The following RHOBTB1 variants were observed in gnomAD, a reference collection of about 807,000 sequenced individuals.
The protein encoded by RHOBTB1 is rho-related BTB domain-containing protein 1.
In RHOBTB1, 40 loss-of-function variants were observed where a neutral mutation model predicts 71.6. The observed-to-expected ratio is 0.56, with a 90% confidence interval of 0.43 to 0.73. RHOBTB1 has a LOEUF of 0.73. RHOBTB1 is among the 30% of genes least tolerant of loss of function. The probability of loss-of-function intolerance (pLI) is 0.00; values close to 1 mark genes in which losing one functional copy is unlikely to be tolerated. For synonymous variants in RHOBTB1, 319 were observed against 334.9 expected (o/e 0.95, Z 0.52); for missense variants, 797 against 894.0 (o/e 0.89, Z 1.38).
intron 2 of RHOBTB1, among the ~76,000 whole-genome samples, chr10:60,919,461 A>C (rs1286997860): frequency 6.6e-6 from 1 of 152,236 alleles, no homozygotes; most frequent in African/African-American, 2.4e-5. Flanking sequence ...CATACATAAA[A>C]TAAACATCTC....
intron 7 of RHOBTB1, among the ~76,000 whole-genome samples, chr10:60,885,093 T>C (rs1041469884): frequency 1.3e-5 from 2 of 152,124 alleles, no homozygotes; most frequent in South Asian, 2.1e-4. Flanking sequence ...TGTAACTTTT[T>C]TGTGGTGTTC....
At chr10:60,872,148 G>A (rs750577808) in intron 10 of RHOBTB1, 37 bp downstream of exon 10, 1 of 1,430,094 alleles carries the variant, frequency 7.0e-7, no homozygotes, top group Middle Eastern at 1.8e-4. Context: ...TGAGAGGTGA[G>A]GAGAGCTGGA....
At chr10:60,884,526 G>A (rs138192255) in intron 7 of RHOBTB1, among the ~76,000 whole-genome samples, 71 of 152,186 alleles carry the variant, frequency 4.7e-4, no homozygotes, top group African/African-American at 1.7e-3. Flanking sequence ...AGACAAAGAG[G>A]CTGTACTCCC....
intron 4 of RHOBTB1, among the ~76,000 whole-genome samples, chr10:60,905,827 C>T (rs2082651065): frequency 6.6e-6 from 1 of 152,238 alleles, no homozygotes; most frequent in South Asian, 2.1e-4. Flanking sequence ...TATCTAGACA[C>T]ACTCACTGAT....
intron 2 of RHOBTB1, among the ~76,000 whole-genome samples, chr10:60,962,071 A>G (rs775594707): frequency 5.3e-5 from 8 of 152,040 alleles, no homozygotes; most frequent in East Asian, 1.9e-4. Context: ...GCCTCTTAAA[A>G]TGCTAGGATT....
rs753750346 is a variant in RHOBTB1, at chr10:60,910,996, G to GGA, written c.193-8_193-7dup. ...TCCCGAGAACGCTCCAAGACCTGCA[G>GGA]GAGAGAGAGAGAGCATCTGTGCTCG... On this transcript the variant is annotated splice_polypyrimidine_tract_variant and splice_region_variant and intron_variant, in intron 3 of 10. Coordinates refer to ENST00000337910, the MANE Select transcript of RHOBTB1 (RefSeq NM_014836.5). The GGA allele has an allele frequency of 1.6e-5, 25 of 1,609,688 alleles. No individual in the cohort carries two copies. The highest frequency in any genetic ancestry group is 6.7e-5 in the African/African-American group (5 of 74,792).
At chr10:60,862,461 G>T in the RHOBTB1 span, among the ~76,000 whole-genome samples, 9 of 151,518 alleles carry the variant, frequency 5.9e-5, no homozygotes, top group Admixed American at 5.9e-4. Flanking sequence ...GCCTCCCAAA[G>T]TGCTGGGATA....
At chr10:60,920,944 GT>G (rs1464738682) in intron 2 of RHOBTB1, among the ~76,000 whole-genome samples, 12 of 122,100 alleles carry the variant, frequency 9.8e-5, no homozygotes, top group African/African-American at 1.8e-4. Flanking sequence ...GGACTGATTT[GT>G]TTTTTTTTTG....
chr10:60,999,585 G>GC (rs1217662700), intron 1 of RHOBTB1, among the ~76,000 whole-genome samples: 7 of 152,198 alleles, frequency 4.6e-5, no homozygotes, highest in Non-Finnish European at 8.8e-5. Context: ...TCAAAACCAA[G>GC]CCCATGATAT....
chr10:60,967,597 G>A (rs1177408289), intron 2 of RHOBTB1, among the ~76,000 whole-genome samples: 1 of 152,054 alleles, frequency 6.6e-6, no homozygotes, highest in Non-Finnish European at 1.5e-5. Context: ...ATGTCAAGGA[G>A]AGAATGATGT....
At chr10:60,914,254 G>C (rs1251889989) in intron 2 of RHOBTB1, among the ~76,000 whole-genome samples, 1 of 152,004 alleles carries the variant, frequency 6.6e-6, no homozygotes, top group Non-Finnish European at 1.5e-5. Context: ...TGGAAAGATG[G>C]GTTAAAAATG....
At chr10:60,971,162 C>T (rs1180124085) in intron 2 of RHOBTB1, among the ~76,000 whole-genome samples, 1 of 151,962 alleles carries the variant, frequency 6.6e-6, no homozygotes, top group South Asian at 2.1e-4. Flanking sequence ...TATTTTTTCA[C>T]TTTGTATTTG....
At chr10:60,946,826 T>G (rs2085254561), upstream of RHOBTB1, among the ~76,000 whole-genome samples, 1 of 152,166 alleles carries the variant, frequency 6.6e-6, no homozygotes, top group South Asian at 2.1e-4. Context: ...CAAAAGATGC[T>G]CCTTCTAAAG....
At chr10:60,904,148 T>C (rs1023440743) in intron 4 of RHOBTB1, among the ~76,000 whole-genome samples, 2 of 152,106 alleles carry the variant, frequency 1.3e-5, no homozygotes, top group Non-Finnish European at 2.9e-5. Flanking sequence ...GGCTACACCA[T>C]GTTGGCCAGG....
At chr10:60,995,238 AC>A (rs1312761227) in intron 1 of RHOBTB1, among the ~76,000 whole-genome samples, 1 of 152,174 alleles carries the variant, frequency 6.6e-6, no homozygotes, top group Non-Finnish European at 1.5e-5. Context: ...CTTACTGTGT[AC>A]CAGGCACCTT....
intron 1 of RHOBTB1, among the ~76,000 whole-genome samples, chr10:60,989,470 T>C (rs1250623164): frequency 6.6e-6 from 1 of 152,234 alleles, no homozygotes; most frequent in African/African-American, 2.4e-5. Flanking sequence ...ACTTGTTGAA[T>C]GAATAAATGT....
At chr10:60,993,022 T>C (rs113368160) in intron 1 of RHOBTB1, among the ~76,000 whole-genome samples, 2 of 152,280 alleles carry the variant, frequency 1.3e-5, no homozygotes, top group African/African-American at 4.8e-5. Context: ...ATGTCTTAGG[T>C]GCATGCCTCT....
chr10:60,935,829 A>T (rs1477676095), intron 2 of RHOBTB1, among the ~76,000 whole-genome samples: 1 of 152,200 alleles, frequency 6.6e-6, no homozygotes, highest in Non-Finnish European at 1.5e-5. Flanking sequence ...TTTTATCTAT[A>T]TGGTGAAAGT....
At chr10:60,965,424 C>A (rs968069492) in intron 2 of RHOBTB1, among the ~76,000 whole-genome samples, 6 of 152,044 alleles carry the variant, frequency 3.9e-5, no homozygotes, top group Non-Finnish European at 7.4e-5. Flanking sequence ...AATTTATAAG[C>A]TAGCATGTAG....
Sources: allele counts gnomAD v4.1 joint callset (sites outside exome capture counted in the v4.1 genomes callset), GRCh38; gene constraint gnomAD v4.1.1; transcripts MANE v1.5; gene names NCBI Gene and HGNC (gene_info 2026-07-23, HGNC 2026-07-21).